Variants in PARD3B observed in about 807,000 individuals in gnomAD.
PARD3B encodes the protein par-3 family cell polarity regulator beta.
Under a neutral mutation model 130.2 loss-of-function variants are expected in PARD3B, and 103 were observed. The ratio of observed to expected loss-of-function variants is 0.79; its 90% CI spans 0.67 to 0.93. PARD3B has a LOEUF of 0.93. Among genes scored for constraint, PARD3B ranks in the 40% least tolerant of loss-of-function variants. The pLI is 0.00. For missense variants in PARD3B, 1,609 were observed against 1,499.2 expected (o/e 1.07, Z -1.21); for synonymous variants, 583 against 553.2 (o/e 1.05, Z -0.76).
chr2:205,282,295 C>T (rs982529469), intron 16 of PARD3B, among the ~76,000 whole-genome samples: 11 of 151,850 alleles, frequency 7.2e-5, no homozygotes, highest in African/African-American at 2.7e-4. Flanking sequence ...TCTTCCTGGT[C>T]TCTTTCTTTT....
intron 2 of PARD3B, among the ~76,000 whole-genome samples, chr2:204,728,961 G>C (rs1025632672): frequency 2.0e-5 from 3 of 152,136 alleles, no homozygotes; most frequent in Non-Finnish European, 4.4e-5. Context: ...TACTCTTAAA[G>C]AGAAAGAAAG....
intron 2 of PARD3B, among the ~76,000 whole-genome samples, chr2:204,749,843 G>C (rs909332883): frequency 6.6e-6 from 1 of 152,088 alleles, no homozygotes; most frequent in South Asian, 2.1e-4. Flanking sequence ...ACGGCATGCT[G>C]GTGGCTCTGA....
At chr2:204,632,840 T>C (rs2034731945) in intron 1 of PARD3B, among the ~76,000 whole-genome samples, 1 of 152,190 alleles carries the variant, frequency 6.6e-6, no homozygotes, top group Non-Finnish European at 1.5e-5. Flanking sequence ...AAGGTGTTTC[T>C]CTAATCAGTG....
chr2:205,320,235 G>T (rs549374601), intron 18 of PARD3B, among the ~76,000 whole-genome samples: 2 of 149,894 alleles, frequency 1.3e-5, no homozygotes, highest in South Asian at 4.2e-4. Flanking sequence ...AAGGAAGGAA[G>T]GAAGGAATGA....
intron 1 of PARD3B, among the ~76,000 whole-genome samples, chr2:204,662,582 G>A (rs903196177): frequency 2.6e-5 from 4 of 152,104 alleles, no homozygotes; most frequent in Non-Finnish European, 4.4e-5. Flanking sequence ...TGCTTCATGT[G>A]TACTTCCTAT....
At chr2:204,953,067 G>T (rs986850048) in intron 2 of PARD3B, among the ~76,000 whole-genome samples, 11 of 128,790 alleles carry the variant, frequency 8.5e-5, no homozygotes, top group South Asian at 3.7e-4. Context: ...TATATATATA[G>T]AGAGAGAGGG....
intron 22 of PARD3B, among the ~76,000 whole-genome samples, chr2:205,566,719 T>A (rs2053349242): frequency 6.6e-6 from 1 of 152,142 alleles, no homozygotes; most frequent in Non-Finnish European, 1.5e-5. Context: ...TCATGAAAAC[T>A]GAGCAAAAGA....
chr2:205,337,709 G>T (rs917967119), intron 18 of PARD3B, among the ~76,000 whole-genome samples: 14 of 152,136 alleles, frequency 9.2e-5, no homozygotes, highest in African/African-American at 3.4e-4. Context: ...TTCTGTTTTG[G>T]TGCATAAGTA....
In PARD3B at chr2:205,300,618, G is replaced by C; in HGVS notation, c.2274G>C (p.Arg758Ser). ...ESLQTAVAEV[R>S]KNDLPFHRPR... ...TGCAGACTGCAGTGGCCGAGGTCAGGAAGAATGACCTTCCCTTTCACAGGC... is the reference window on the plus strand; with the variant it reads ...TGCAGACTGCAGTGGCCGAGGTCAGCAAGAATGACCTTCCCTTTCACAGGC... Residue 758 changes from arginine (R) to serine (S), a missense_variant, in exon 17 of 23, where the codon AGG becomes AGC. By Grantham distance (110) the Arg-to-Ser change is moderately radical (BLOSUM62 -1). Transcript: ENST00000406610. The surrounding 1 kb of genome is among the most constrained non-coding windows in gnomAD (Gnocchi z 4.1). The C allele has an allele frequency of 6.2e-7, 1 of 1,613,940 alleles. No individual in the cohort carries two copies. The highest frequency in any genetic ancestry group is 2.2e-5 in the East Asian group (1 of 44,874).
intron 2 of PARD3B, among the ~76,000 whole-genome samples, chr2:204,934,247 A>G (rs1207619256): frequency 6.6e-6 from 1 of 152,214 alleles, no homozygotes; most frequent in Admixed American, 6.5e-5. Context: ...GATTTGCTAA[A>G]GGGAACAGAT....
intron 21 of PARD3B, among the ~76,000 whole-genome samples, chr2:205,523,796 G>A (rs1396546378): frequency 2.2e-5 from 3 of 137,236 alleles, no homozygotes; most frequent in African/African-American, 8.0e-5. Flanking sequence ...TCTTTATTTT[G>A]ATTCATCTCT....
At chr2:205,063,443 G>C (rs929589422) in intron 4 of PARD3B, among the ~76,000 whole-genome samples, 10 of 152,078 alleles carry the variant, frequency 6.6e-5, no homozygotes, top group Admixed American at 4.6e-4. Context: ...AAGGACCAAA[G>C]GATGCAGGTA....
rs1361065374 is a variant in PARD3B, at chr2:204,998,372, GTGTA to G, written c.394+33051_394+33054del. ...TATATATATATATGTGTGTGTGTGT[GTGTA>G]TATATGTGTGTGTATATATGTATAT... On this transcript the variant is annotated intron_variant, in intron 3 of 22. Transcript: ENST00000406610. Among the ~76,000 whole-genome samples the G allele has an allele frequency of 6.1e-3, 499 of 81,710 alleles. 21 individuals are homozygous for G. Among genetic ancestry groups the G allele is most frequent in the Non-Finnish European group, 9.2e-3 (357 of 38,632 alleles). The allele number at this position is 81,710 out of a possible 152,430, so 53.6% of individuals were successfully genotyped here.
At position 205,118,966 on chromosome 2, in the gene PARD3B, CA is replaced by C. The variant is rs1379361429; in HGVS notation, c.728del (p.Lys243SerfsTer13). The stretch of plus-strand genomic sequence containing the variant: ...GAGGCATTGAAGACAACAGCAGGTC[CA>C]AGCGGGAGGGACTATTTCACGAAAA... ...IRGIEDNSRS[K>X]REGLFHENEC... On this transcript the variant is annotated frameshift_variant, in exon 7 of 23. Transcript: ENST00000406610. LOFTEE classifies it high-confidence loss of function. The C allele has an allele frequency of 6.2e-7, 1 of 1,611,860 alleles. No individual in the cohort carries two copies.
rs2046641687 is a variant in PARD3B at position 205,412,696 on chromosome 2, T to A, written c.2741+11573T>A. 5.9e-5 allele frequency among the ~76,000 whole-genome samples: 9 copies of A among 152,264 alleles called. No homozygotes were observed. In the South Asian group the frequency reaches 1.9e-3, roughly 32 times the overall value. On this transcript the variant is annotated intron_variant, in intron 19 of 22. Transcript: ENST00000406610. Reference sequence around the variant, plus strand: ...TCAGCCAATCTGGAATGTTCATACTTTCTGAGATTAACACTTTCCAATCAC... The same window carrying A: ...TCAGCCAATCTGGAATGTTCATACTATCTGAGATTAACACTTTCCAATCAC...
chr2:205,156,278 G>GGA (rs1553626800), intron 10 of PARD3B, among the ~76,000 whole-genome samples: 5 of 129,438 alleles, frequency 3.9e-5, no homozygotes, highest in East Asian at 2.8e-4. Context: ...GGGCGGGGGG[G>GGA]GGAGGAATAG....
intron 4 of PARD3B, among the ~76,000 whole-genome samples, chr2:205,088,550 A>G (rs1701883516): frequency 6.6e-6 from 1 of 152,156 alleles, no homozygotes; most frequent in African/African-American, 2.4e-5. Flanking sequence ...AATTCAGAGG[A>G]AGAGAAAACT....
intron 14 of PARD3B, among the ~76,000 whole-genome samples, chr2:205,191,393 G>A (rs1280443160): frequency 6.6e-6 from 1 of 151,874 alleles, no homozygotes; most frequent in African/African-American, 2.4e-5. Flanking sequence ...TTCCTACAGG[G>A]GCCACTCTCC....
intron 21 of PARD3B, among the ~76,000 whole-genome samples, chr2:205,524,716 GCC>G (rs2051257786): frequency 6.6e-6 from 1 of 152,034 alleles, no homozygotes; most frequent in East Asian, 1.9e-4. Context: ...ATAACAAAAA[GCC>G]CCATGTTAAT....
Sources: allele counts gnomAD v4.1 joint callset (sites outside exome capture counted in the v4.1 genomes callset), GRCh38; gene constraint gnomAD v4.1.1; non-coding constraint Gnocchi (gnomAD v3.1); transcripts MANE v1.5; gene names NCBI Gene and HGNC (gene_info 2026-07-23, HGNC 2026-07-21).